The following DOT1L variants were observed in gnomAD, a reference collection of about 807,000 sequenced individuals.
DOT1L encodes DOT1 like histone lysine methyltransferase.
A neutral mutation model predicts 153.3 loss-of-function variants in DOT1L; 33 were observed. The observed-to-expected ratio is 0.22, with a 90% confidence interval of 0.16 to 0.29. The LOEUF (loss-of-function observed/expected upper bound fraction) is 0.29, where lower values mean the gene tolerates loss of function less well. Among genes scored for constraint, DOT1L ranks in the 10% least tolerant of loss-of-function variants. DOT1L has a pLI of 1.00. For synonymous variants in DOT1L, 1,135 were observed against 965.1 expected (o/e 1.18, Z -3.26); for missense variants, 1,847 against 2,119.9 (o/e 0.87, Z 2.53).
intron 1 of DOT1L, among the ~76,000 whole-genome samples, chr19:2,171,396 C>T (rs1011162343): frequency 5.9e-5 from 9 of 152,196 alleles, no homozygotes; most frequent in Non-Finnish European, 1.2e-4. Flanking sequence ...ATTCCTGGCC[C>T]TGGAAGGTTC....
At chr19:2,192,926 C>T (rs945247802) in intron 5 of DOT1L, among the ~76,000 whole-genome samples, 1 of 152,200 alleles carries the variant, frequency 6.6e-6, no homozygotes, top group Non-Finnish European at 1.5e-5. Context: ...GCCCTGGCCC[C>T]CCGTCCCTGT....
intron 1 of DOT1L, among the ~76,000 whole-genome samples, chr19:2,177,602 A>T (rs1426178340): frequency 6.6e-6 from 1 of 151,956 alleles, no homozygotes; most frequent in Non-Finnish European, 1.5e-5. Context: ...TGACCTCATG[A>T]TCTGCGCCCA....
chr19:2,179,376 G>A (rs1171988429), intron 1 of DOT1L, among the ~76,000 whole-genome samples: 3 of 152,212 alleles, frequency 2.0e-5, no homozygotes, highest in Non-Finnish European at 4.4e-5. Flanking sequence ...GGAGAGGCTC[G>A]CTGAGGCTGC....
chr19:2,182,898 T>A (rs1332011830), intron 2 of DOT1L, among the ~76,000 whole-genome samples: 3 of 152,148 alleles, frequency 2.0e-5, no homozygotes, highest in Non-Finnish European at 4.4e-5. Flanking sequence ...ATCTGGAGTC[T>A]GGAGCTTAAG....
At chr19:2,213,264 G>A (rs781191142) in intron 16 of DOT1L, 61 of 383,718 alleles carry the variant, frequency 1.6e-4, no homozygotes, top group Middle Eastern at 7.1e-4. Flanking sequence ...CGGCCTCTGC[G>A]TGGCTGGGGG....
chr19:2,223,243 C>G (rs112004833), intron 24 of DOT1L, 38 bp from the exon 25 acceptor site: 2 of 1,607,034 alleles, frequency 1.2e-6, no homozygotes, highest in South Asian at 2.2e-5. Flanking sequence ...GGTCCCGGGT[C>G]TGTGGTATGT....
At chr19:2,178,716 C>T (rs1026713068) in intron 1 of DOT1L, among the ~76,000 whole-genome samples, 4 of 151,716 alleles carry the variant, frequency 2.6e-5, no homozygotes, top group African/African-American at 7.3e-5. Context: ...CTACCGCGCC[C>T]GGCCACGCCC....
Position 2,220,307 on chromosome 19 carries a change from A to G in DOT1L, c.2806+85A>G. On this transcript the variant is annotated intron_variant, in intron 23 of 27. Transcript: ENST00000398665. This position sits in a 1 kb window ranked among gnomAD's most constrained non-coding sequence, Gnocchi z 4.5. ...GGAGGGCTGGGTTGCTGGGAGTGGAACAGGGCTTCCTGGGGTGATCATGGG... is the reference window on the plus strand; with the variant it reads ...GGAGGGCTGGGTTGCTGGGAGTGGAGCAGGGCTTCCTGGGGTGATCATGGG... The G allele has an allele frequency of 7.4e-7, 1 of 1,355,650 alleles. No individual in the cohort carries two copies. The allele number at this position is 1,355,650 out of a possible 1,614,324, so 84.0% of individuals were successfully genotyped here.
chr19:2,195,553 G>A (rs1459653906), intron 7 of DOT1L, among the ~76,000 whole-genome samples: 2 of 152,146 alleles, frequency 1.3e-5, no homozygotes, highest in African/African-American at 4.8e-5. Context: ...CAGGAAGGTG[G>A]ATGCTTCCTA....
At chr19:2,165,925 C>A (rs565506869) in intron 1 of DOT1L, among the ~76,000 whole-genome samples, 1 of 151,918 alleles carries the variant, frequency 6.6e-6, no homozygotes, top group African/African-American at 2.4e-5. Flanking sequence ...CCCGCCACCA[C>A]GCCCGGCTAA....
intron 3 of DOT1L, among the ~76,000 whole-genome samples, chr19:2,187,878 C>T (rs562100274): frequency 2.7e-4 from 40 of 149,394 alleles, no homozygotes; most frequent in Admixed American, 4.0e-4. Flanking sequence ...GCTGAGATCG[C>T]GCCACCGCAC....
chr19:2,180,420 G>A (rs1470920529), intron 1 of DOT1L, among the ~76,000 whole-genome samples: 1 of 152,196 alleles, frequency 6.6e-6, no homozygotes, highest in East Asian at 1.9e-4. Context: ...TTGCTTTAGG[G>A]TGGGAGAGGA....
chr19:2,224,319 C>T (rs1019951028), intron 25 of DOT1L, among the ~76,000 whole-genome samples: 136 of 152,338 alleles, frequency 8.9e-4, no homozygotes, highest in Non-Finnish European at 2.9e-4. Flanking sequence ...GGCTCTCCAG[C>T]AGCCACACCA....
chr19:2,190,653 C>T lies in DOT1L; in HGVS notation c.265-359C>T, dbSNP rs1361398790. Among the ~76,000 whole-genome samples, 3 of 151,860 alleles carry T rather than the reference C, an allele frequency of 2.0e-5. No homozygotes were observed. The highest frequency in any genetic ancestry group is 4.2e-4 in the South Asian group (2 of 4,812). The stretch of plus-strand genomic sequence containing the variant: ...CTTTCACGGGGCTCGTGGCACCTGA[C>T]GGGGGTCCCTTGGTGTCAGCGCCCC... On this transcript the variant is annotated intron_variant, in intron 4 of 27. Transcript: ENST00000398665. This position sits in a 1 kb window ranked among gnomAD's most constrained non-coding sequence, Gnocchi z 4.8.
At position 2,226,720 on chromosome 19, in the gene DOT1L, C is replaced by T. The variant is rs1230268738; in HGVS notation, c.4199C>T (p.Thr1400Met). The change falls in exon 27 of 28, where the codon ACG (threonine) becomes ATG (methionine). Residue 1400 changes from threonine to methionine, a missense_variant. Coordinates refer to ENST00000398665, the MANE Select transcript of DOT1L (RefSeq NM_032482.3). ...GGCGGCCTACCGCTGTGCGGGCCCA[C>T]GGACAAGACCCCACTGCTGAGCGGC... ...GEGGLPLCGP[T>M]DKTPLLSGKA... 12 of 1,559,378 alleles carry T rather than the reference C, an allele frequency of 7.7e-6. No individual in the cohort carries two copies. Among genetic ancestry groups the T allele is most frequent in the African/African-American group, 5.4e-5 (4 of 73,508 alleles).
At chr19:2,176,354 G>A (rs1367456982) in intron 1 of DOT1L, among the ~76,000 whole-genome samples, 2 of 152,180 alleles carry the variant, frequency 1.3e-5, no homozygotes, top group Non-Finnish European at 2.9e-5. Context: ...TGAATGACAG[G>A]GAATGAGGCA....
chr19:2,224,810 G>A (rs1035588361), intron 25 of DOT1L, among the ~76,000 whole-genome samples: 4 of 152,186 alleles, frequency 2.6e-5, no homozygotes, highest in South Asian at 2.1e-4. Context: ...CCACGTGTGC[G>A]TGCACGTGTT....
chr19:2,228,297 G>A (rs1023878585), intron 27 of DOT1L: 4 of 1,351,032 alleles, frequency 3.0e-6, no homozygotes, highest in African/African-American at 1.5e-5. Flanking sequence ...GGTGTCCCTC[G>A]GCATGCCGCC....
intron 3 of DOT1L, among the ~76,000 whole-genome samples, chr19:2,187,156 C>G (rs896688197): frequency 3.3e-5 from 5 of 152,244 alleles, no homozygotes; most frequent in Non-Finnish European, 7.3e-5. Context: ...TTCCTTACAA[C>G]AGAAGACACT....
Sources: allele counts gnomAD v4.1 joint callset (sites outside exome capture counted in the v4.1 genomes callset), GRCh38; gene constraint gnomAD v4.1.1; non-coding constraint Gnocchi (gnomAD v3.1); transcripts MANE v1.5; gene names NCBI Gene and HGNC (gene_info 2026-07-23, HGNC 2026-07-21).